Variants in ZNF215 observed in about 807,000 individuals in gnomAD.
ZNF215 encodes zinc finger protein 215.
A neutral mutation model predicts 27.2 loss-of-function variants in ZNF215; 24 were observed. That is an observed-to-expected ratio of 0.88 (90% CI 0.64 to 1.24). The LOEUF (loss-of-function observed/expected upper bound fraction) is 1.24, where lower values mean the gene tolerates loss of function less well. Ranked by LOEUF, ZNF215 falls within the 50% of genes most tolerant of loss-of-function variation. The probability of loss-of-function intolerance (pLI) is 0.00; values close to 1 mark genes in which losing one functional copy is unlikely to be tolerated. For missense variants in ZNF215, 675 were observed against 605.7 expected (o/e 1.11, Z -1.20); for synonymous variants, 210 against 204.0 (o/e 1.03, Z -0.25).
Position 6,955,718 on chromosome 11 carries a change from A to G in ZNF215, c.741A>G (p.Ser247=). ...FDMKSISGEE[S]SHGVIMTRLT... The stretch of plus-strand genomic sequence containing the variant: ...TGAAGAGTATTTCTGGAGAAGAATC[A>G]TCCCATGGAGTGATTATGACAAGGC... Residue 247 remains serine (S), a synonymous_variant, in exon 7 of 7, where the codon TCA becomes TCG. Coordinates refer to ENST00000278319, the MANE Select transcript of ZNF215 (RefSeq NM_013250.4). The G allele has an allele frequency of 6.4e-7, 1 of 1,565,274 alleles. No individual in the cohort carries two copies. The highest frequency in any genetic ancestry group is 8.6e-7 in the Non-Finnish European group (1 of 1,160,934).
At chr11:6,979,161 C>G (rs1037519658) in intron 5 of ZNF215, among the ~76,000 whole-genome samples, 2 of 152,022 alleles carry the variant, frequency 1.3e-5, no homozygotes, top group Non-Finnish European at 2.9e-5. Context: ...TTTATTGTCT[C>G]TCACCCCCAG....
At chr11:6,984,083 C>T in intron 5 of ZNF215, 1 of 397,578 alleles carries the variant, frequency 2.5e-6, no homozygotes, top group South Asian at 1.9e-5. Flanking sequence ...TAAAATATTT[C>T]AGGAAGATAA....
At chr11:6,979,345 T>C (rs910278255) in intron 5 of ZNF215, among the ~76,000 whole-genome samples, 2 of 134,610 alleles carry the variant, frequency 1.5e-5, no homozygotes, top group Admixed American at 7.6e-5. Context: ...ATAATAATGA[T>C]TGTGGTATAT....
intron 5 of ZNF215, among the ~76,000 whole-genome samples, chr11:6,964,945 A>G (rs1293108478): frequency 1.3e-5 from 2 of 152,106 alleles, no homozygotes; most frequent in Non-Finnish European, 2.9e-5. Flanking sequence ...ATTTGTATTT[A>G]AACAAAGTTT....
In ZNF215 at chr11:6,956,160, A is replaced by G. The variant is rs553215604; in HGVS notation, c.1183A>G (p.Ile395Val). ...AGCCTTCTGCCGAAGTTCATCCCTT[A>G]TTCGACATCAGATCATTCACACAGG... ...GKAFCRSSSL[I>V]RHQIIHTGEK... Residue 395 changes from isoleucine to valine, a missense_variant, in exon 7 of 7, where the codon ATT becomes GTT. By Grantham distance (29) the Ile-to-Val change is conservative. Transcript: ENST00000278319. The G allele has an allele frequency of 2.5e-6, 4 of 1,613,782 alleles. No homozygotes were observed. In the South Asian group the frequency reaches 3.3e-5, roughly 13 times the overall value.
Position 6,954,536 on chromosome 11 carries a change from GC to G in ZNF215, c.713-1152del, listed in dbSNP as rs1299778722. Among the ~76,000 whole-genome samples the G allele has an allele frequency of 1.2e-4, 18 of 152,064 alleles. No individual in the cohort carries two copies. The East Asian group carries it at 3.5e-3, about 30-fold the overall frequency. ...GAGACTCCGTGGGTGTAGGACCCGA[GC>G]CAGGTGCAGGATATAATCTCCTGGT... On this transcript the variant is annotated intron_variant, in intron 6 of 6. Transcript: ENST00000278319.
chr11:6,960,439 CT>C (rs1471407754), downstream of ZNF215, among the ~76,000 whole-genome samples: 2 of 152,126 alleles, frequency 1.3e-5, no homozygotes, highest in Non-Finnish European at 2.9e-5. Context: ...AAGAAAGGAG[CT>C]CCATAACTCA....
chr11:6,943,323 G>C, intron 5 of ZNF215, 108 bp downstream of exon 5: 1 of 1,473,920 alleles, frequency 6.8e-7, no homozygotes, highest in Non-Finnish European at 9.1e-7. Context: ...CTGGGTTGAG[G>C]TTTGCTAATA....
In ZNF215 at chr11:6,952,854, A is replaced by T. The variant is rs377713635; in HGVS notation, c.713-2836A>T. ...TCGATGGTCTTTACAATTTGGCATG[A>T]TTTTGCAGTGGCTGGTACCGGTTGT... is the stretch of plus-strand genomic sequence containing the variant. On this transcript the variant is annotated intron_variant, in intron 6 of 6. Coordinates refer to ENST00000278319, the MANE Select transcript of ZNF215 (RefSeq NM_013250.4). Among the ~76,000 whole-genome samples, 10 of 151,068 alleles carry T rather than the reference A, an allele frequency of 6.6e-5. No individual in the cohort carries two copies. In the East Asian group the frequency reaches 1.7e-3, roughly 26 times the overall value.
At chr11:6,981,696 T>C (rs1245564576) in intron 5 of ZNF215, among the ~76,000 whole-genome samples, 2 of 152,192 alleles carry the variant, frequency 1.3e-5, no homozygotes, top group African/African-American at 2.4e-5. Flanking sequence ...TGCCTATGTC[T>C]TGAATGGTAA....
rs1368550834 is a variant in ZNF215, at chr11:6,941,664, A to C, written c.483+11A>C. On this transcript the variant is annotated intron_variant, in intron 4 of 6. Transcript: ENST00000278319. ...ACAGGCAAACCACAGGTGAATTAGG[A>C]TTCTAGTCTTTACTGAACACATATG... 6.2e-7 allele frequency: 1 copy of C among 1,613,712 alleles called. No homozygotes were observed. The highest frequency in any genetic ancestry group is 2.2e-5 in the East Asian group (1 of 44,850).
chr11:6,943,140 C>T lies in ZNF215; in HGVS notation c.541C>T (p.Leu181=), dbSNP rs554840282. The T allele has an allele frequency of 1.4e-5, 23 of 1,614,034 alleles. No homozygotes were observed. The South Asian group carries it at 2.3e-4, about 16-fold the overall frequency. ...VEFSKEEWGQ[L]DSAVKNLYRN... ...ATTCAGCAAGGAAGAGTGGGGGCAACTGGACTCTGCTGTAAAGAACCTGTA... is the reference window on the plus strand; with the variant it reads ...ATTCAGCAAGGAAGAGTGGGGGCAATTGGACTCTGCTGTAAAGAACCTGTA... The change falls in exon 5 of 7, where the codon CTG becomes TTG. Residue 181 remains leucine, a synonymous_variant. Coordinates refer to ENST00000278319, the MANE Select transcript of ZNF215 (RefSeq NM_013250.4).
At chr11:6,962,888 A>T (rs1160930363), downstream of ZNF215, among the ~76,000 whole-genome samples, 1 of 152,124 alleles carries the variant, frequency 6.6e-6, no homozygotes, top group East Asian at 1.9e-4. Context: ...TAATGTTTCT[A>T]AAATTGGCCT....
downstream of ZNF215, among the ~76,000 whole-genome samples, chr11:6,993,918 T>A (rs997050020): frequency 6.6e-6 from 1 of 152,184 alleles, no homozygotes; most frequent in African/African-American, 2.4e-5. Flanking sequence ...ATGCCATACC[T>A]TCTTGTTTTA....
At chr11:6,955,648 C>G in intron 6 of ZNF215, 42 bp from the exon 7 acceptor site, 1 of 1,519,936 alleles carries the variant, frequency 6.6e-7, no homozygotes, top group Non-Finnish European at 8.8e-7. Context: ...CCTATTGAAG[C>G]AGTTTCCCTT....
chr11:6,952,617 C>T (rs1268801899), intron 6 of ZNF215, among the ~76,000 whole-genome samples: 5 of 151,804 alleles, frequency 3.3e-5, no homozygotes, highest in African/African-American at 4.8e-5. Context: ...TTATTTTGAG[C>T]CTATGTGTGT....
chr11:6,985,199 G>A (rs2131054), downstream of ZNF215, among the ~76,000 whole-genome samples: 1 of 151,850 alleles, frequency 6.6e-6, no homozygotes, highest in East Asian at 1.9e-4. Flanking sequence ...GATAATTCAC[G>A]ATGATGAAGT....
chr11:6,956,072 A>C lies in ZNF215; in HGVS notation c.1095A>C (p.Thr365=). The C allele has an allele frequency of 6.2e-7, 1 of 1,611,774 alleles. No individual in the cohort carries two copies. Among genetic ancestry groups the C allele is most frequent in the Non-Finnish European group, 8.5e-7 (1 of 1,179,356 alleles). The change falls in exon 7 of 7, where the codon ACA becomes ACC. Residue 365 remains threonine, a synonymous_variant. Coordinates refer to ENST00000278319, the MANE Select transcript of ZNF215 (RefSeq NM_013250.4). ...ATGGGAATGACTTGAGTTTGAGTACAGATATTCGACACCAAAAAAGTCATA... is the reference window on the plus strand; with the variant it reads ...ATGGGAATGACTTGAGTTTGAGTACCGATATTCGACACCAAAAAAGTCATA... ...YEYGNDLSLS[T]DIRHQKSHTT... is the part of the protein sequence containing the mutation.
intron 4 of ZNF215, among the ~76,000 whole-genome samples, chr11:6,942,154 C>T (rs538043882): frequency 5.4e-4 from 82 of 152,198 alleles, no homozygotes; most frequent in African/African-American, 1.9e-3. Context: ...GGAATCTAAG[C>T]CAGACTGTGG....
Sources: allele counts gnomAD v4.1 joint callset (sites outside exome capture counted in the v4.1 genomes callset), GRCh38; gene constraint gnomAD v4.1.1; transcripts MANE v1.5; gene names NCBI Gene and HGNC (gene_info 2026-07-23, HGNC 2026-07-21).